Variants in RELB observed in about 807,000 individuals in gnomAD.
RELB encodes the protein transcription factor RelB.
RELB carries 14 observed loss-of-function variants against 55.4 expected under a neutral mutation model. The observed-to-expected ratio is 0.25, with a 90% CI of 0.17 to 0.40. RELB has a LOEUF of 0.40. Among genes scored for constraint, RELB ranks in the 10% least tolerant of loss-of-function variants. RELB has a pLI of 1.00. For synonymous variants in RELB, 409 were observed against 371.3 expected (o/e 1.10, Z -1.17); for missense variants, 669 against 830.7 (o/e 0.81, Z 2.39).
At chr19:45,023,996 G>A (rs1468193865) in intron 5 of RELB, among the ~76,000 whole-genome samples, 6 of 25,576 alleles carry the variant, frequency 2.3e-4, no homozygotes, top group African/African-American at 5.7e-4. Flanking sequence ...TGACCCACCC[G>A]CCTCGGCCTC....
chr19:45,034,540 C>G lies in RELB; in HGVS notation c.1354+12C>G, dbSNP rs752358158. ...CAACCACGGCTCAGGTGGGTCCCAGCTACACATAAGCCCCTGTCCCCTGGG... is the reference window on the plus strand; with the variant it reads ...CAACCACGGCTCAGGTGGGTCCCAGGTACACATAAGCCCCTGTCCCCTGGG... On this transcript the variant is annotated intron_variant, in intron 11 of 11. Coordinates refer to ENST00000221452, the MANE Select transcript of RELB (RefSeq NM_006509.4). 1 of 1,588,214 alleles carries G rather than the reference C, an allele frequency of 6.3e-7. No homozygotes were observed. Among genetic ancestry groups the G allele is most frequent in the South Asian group, 1.1e-5 (1 of 87,116 alleles).
At chr19:45,004,504 GCGAGCCAC>G (rs1346257113) in intron 2 of RELB, among the ~76,000 whole-genome samples, 1 of 151,378 alleles carries the variant, frequency 6.6e-6, no homozygotes, top group Non-Finnish European at 1.5e-5. Flanking sequence ...GATTACAGGC[GCGAGCCAC>G]CGTGCCTGGC....
In RELB at chr19:45,025,316, G is replaced by A. The variant is rs766304084; in HGVS notation, c.663-13G>A. The A allele has an allele frequency of 1.2e-5, 19 of 1,598,620 alleles. No individual in the cohort carries two copies. Among genetic ancestry groups the A allele is most frequent in the Admixed American group, 5.2e-5 (3 of 57,896 alleles). On this transcript the variant is annotated splice_polypyrimidine_tract_variant and intron_variant, in intron 5 of 11. Transcript: ENST00000221452. ...TCACGAGCACTCCTCTCCCTCCCCC[G>A]TCACCCCCTCAGTTTTAACAACCTG...
chr19:45,023,211 A>G (rs1971510826), intron 5 of RELB, among the ~76,000 whole-genome samples: 1 of 152,088 alleles, frequency 6.6e-6, no homozygotes, highest in Non-Finnish European at 1.5e-5. Context: ...CTCAGGAAAT[A>G]TTTGTGGAAT....
In RELB at chr19:45,037,949, C is replaced by A; in HGVS notation, c.*159C>A. On this transcript the variant is annotated 3_prime_UTR_variant, in exon 12 of 12. Coordinates refer to ENST00000221452, the MANE Select transcript of RELB (RefSeq NM_006509.4). ...CGAGAAGCTCCGTTGCACGGGTTTCCCCTTGAGCCCATTTTACAGATGAGG... is the reference window on the plus strand; with the variant it reads ...CGAGAAGCTCCGTTGCACGGGTTTCACCTTGAGCCCATTTTACAGATGAGG... 1.5e-6 allele frequency: 1 copy of A among 650,638 alleles called. No individual in the cohort carries two copies. The allele number at this position is 650,638 out of a possible 1,614,324, so 40.3% of individuals were successfully genotyped here.
Position 45,015,321 on chromosome 19 carries a change from C to G in RELB, c.504+3045C>G, listed in dbSNP as rs1370675170. 2.6e-5 allele frequency among the ~76,000 whole-genome samples: 4 copies of G among 152,324 alleles called. No individual in the cohort carries two copies. In the South Asian group the frequency reaches 6.2e-4, roughly 24 times the overall value. On this transcript the variant is annotated intron_variant, in intron 4 of 11. Transcript: ENST00000221452. ...TGTAATTACCGCCATTTACTGAGTG[C>G]TTCCATGTACCAGGTACTTTGCATA...
intron 4 of RELB, among the ~76,000 whole-genome samples, chr19:45,017,234 TG>T (rs1942821845): frequency 6.6e-6 from 1 of 152,146 alleles, no homozygotes; most frequent in Non-Finnish European, 1.5e-5. Context: ...AGCTGCCAAG[TG>T]GGACTGGCCC....
intron 8 of RELB, among the ~76,000 whole-genome samples, chr19:45,032,004 A>G (rs1174688549): frequency 3.3e-5 from 5 of 151,408 alleles, no homozygotes; most frequent in Non-Finnish European, 7.4e-5. Context: ...TTGGGAGGCC[A>G]AGGCGGGCAG....
In RELB at chr19:45,022,307, G is replaced by A; in HGVS notation, c.662+97G>A. ...AAACTTTAGAGCAGAGGGCAGCTTG[G>A]GTAAACCCTCCCCACTGCCTCTTCT... On this transcript the variant is annotated intron_variant, in intron 5 of 11. Coordinates refer to ENST00000221452, the MANE Select transcript of RELB (RefSeq NM_006509.4). The A allele has an allele frequency of 2.4e-6, 3 of 1,250,440 alleles. No homozygotes were observed. In the East Asian group the frequency reaches 7.5e-5, roughly 31 times the overall value. The allele number at this position is 1,250,440 out of a possible 1,614,324, so 77.5% of individuals were successfully genotyped here.
At chr19:45,013,757 G>A (rs768398333) in intron 4 of RELB, among the ~76,000 whole-genome samples, 20 of 152,102 alleles carry the variant, frequency 1.3e-4, no homozygotes, top group South Asian at 2.1e-4. Flanking sequence ...ACTTGAATCC[G>A]GGAGGCAGAG....
chr19:45,028,922 A>C lies in RELB; in HGVS notation c.921A>C (p.Arg307=), dbSNP rs2122477746. The C allele has an allele frequency of 1.2e-6, 2 of 1,601,096 alleles. No homozygotes were observed. Among genetic ancestry groups the C allele is most frequent in the Admixed American group, 3.5e-5 (2 of 57,812 alleles). Reference sequence around the variant, plus strand: ...ACACATCAGAGCTGCGGATTTGCCGAATTAACAAGGAAAGCGGGCCGTGCA... The same window carrying C: ...ACACATCAGAGCTGCGGATTTGCCGCATTAACAAGGAAAGCGGGCCGTGCA... ...STNTSELRIC[R]INKESGPCTG... is the part of the protein sequence containing the mutation. Residue 307 remains arginine (R), a synonymous_variant, in exon 8 of 12, where the codon CGA becomes CGC. Transcript: ENST00000221452.
chr19:45,003,264 G>A (rs1049231060), intron 2 of RELB, among the ~76,000 whole-genome samples: 1 of 152,074 alleles, frequency 6.6e-6, no homozygotes, highest in Non-Finnish European at 1.5e-5. Context: ...GAGGTCAGGA[G>A]ATCGAGACCA....
At chr19:45,027,324 G>A (rs1302031313) in intron 7 of RELB, among the ~76,000 whole-genome samples, 1 of 151,930 alleles carries the variant, frequency 6.6e-6, no homozygotes. Context: ...GAGAAAAAAT[G>A]CAGATGTAGC....
intron 4 of RELB, among the ~76,000 whole-genome samples, chr19:45,018,834 G>A (rs952906898): frequency 2.6e-5 from 4 of 151,612 alleles, no homozygotes; most frequent in South Asian, 4.2e-4. Context: ...GTGCCACCAC[G>A]CCCTGCTAAT....
intron 4 of RELB, among the ~76,000 whole-genome samples, chr19:45,019,947 AC>A (rs1166825216): frequency 6.6e-6 from 1 of 150,834 alleles, no homozygotes; most frequent in Non-Finnish European, 1.5e-5. Flanking sequence ...CAAACTCCCA[AC>A]CTCAGGTGAT....
At chr19:45,002,879 T>G in intron 1 of RELB, 70 bp from the exon 2 acceptor site, 1 of 1,355,252 alleles carries the variant, frequency 7.4e-7, no homozygotes, top group Non-Finnish European at 1.0e-6. Context: ...GGGGTGGGGC[T>G]TCCTTGGGAT....
chr19:45,026,968 G>A (rs1201083342), intron 7 of RELB, among the ~76,000 whole-genome samples: 6 of 152,290 alleles, frequency 3.9e-5, no homozygotes, highest in African/African-American at 1.2e-4. Flanking sequence ...GGTGGCTTAC[G>A]CCTGTAATCC....
intron 11 of RELB, among the ~76,000 whole-genome samples, chr19:45,036,013 G>A (rs1600085034): frequency 6.6e-6 from 1 of 152,168 alleles, no homozygotes; most frequent in Non-Finnish European, 1.5e-5. Context: ...ATCACATCAG[G>A]CTGCAAGGAA....
intron 9 of RELB, among the ~76,000 whole-genome samples, chr19:45,033,707 T>G (rs896805654): frequency 1.3e-5 from 2 of 150,118 alleles, no homozygotes; most frequent in African/African-American, 4.9e-5. Flanking sequence ...CATGCCCGGC[T>G]AATTTTAGTA....
Sources: allele counts gnomAD v4.1 joint callset (sites outside exome capture counted in the v4.1 genomes callset), GRCh38; gene constraint gnomAD v4.1.1; transcripts MANE v1.5; gene names NCBI Gene and HGNC (gene_info 2026-07-23, HGNC 2026-07-21).